The following PIK3R1 variants were observed in gnomAD, a reference collection of about 807,000 sequenced individuals.
The protein encoded by PIK3R1 is phosphoinositide-3-kinase regulatory subunit 1, also known as phosphatidylinositol 3-kinase regulatory subunit alpha.
Under a neutral mutation model 98.0 loss-of-function variants are expected in PIK3R1, and 29 were observed. That is an observed-to-expected ratio of 0.30 (90% CI 0.22 to 0.40). PIK3R1 has a LOEUF of 0.40. Ranked by LOEUF, PIK3R1 falls within the 10% of genes least tolerant of loss-of-function variation. PIK3R1 has a pLI of 1.00. For synonymous variants in PIK3R1, 282 were observed against 311.8 expected (o/e 0.90, Z 1.01); for missense variants, 596 against 872.7 (o/e 0.68, Z 3.99).
chr5:68,292,870 C>A (rs1314677317), intron 8 of PIK3R1: 2 of 710,064 alleles, frequency 2.8e-6, no homozygotes, highest in Admixed American at 6.7e-5. Flanking sequence ...GATGAGACTG[C>A]AATTGCTAAC....
intron 15 of PIK3R1, among the ~76,000 whole-genome samples, chr5:68,296,830 T>G (rs1747740788): frequency 6.6e-6 from 1 of 152,174 alleles, no homozygotes; most frequent in Non-Finnish European, 1.5e-5. Context: ...TTCCAAGAAA[T>G]TAATGTCCTC....
chr5:68,247,286 G>A (rs943067681), intron 2 of PIK3R1, among the ~76,000 whole-genome samples: 4 of 152,138 alleles, frequency 2.6e-5, no homozygotes, highest in Non-Finnish European at 4.4e-5. Context: ...ATTTTAATTG[G>A]ACACATTTTA....
chr5:68,273,541 A>G, intron 3 of PIK3R1, 59 bp downstream of exon 3: 1 of 1,348,280 alleles, frequency 7.4e-7, no homozygotes. Flanking sequence ...CATGGCTCTT[A>G]TTATTTGTCT....
rs909401106 is a variant in PIK3R1 at position 68,298,216 on chromosome 5, G to A, written c.*615G>A. The A allele has an allele frequency of 8.6e-6, 2 of 232,706 alleles. No individual in the cohort carries two copies. Among genetic ancestry groups the A allele is most frequent in the Non-Finnish European group, 1.7e-5 (2 of 117,562 alleles). The allele number at this position is 232,706 out of a possible 1,614,324, so 14.4% of individuals were successfully genotyped here. On this transcript the variant is annotated 3_prime_UTR_variant, in exon 16 of 16. Transcript: ENST00000521381. ...AGAAATTCTGTCATAGAAAGTGCCA[G>A]AAAGTGTTTAACTTGTCAAAAAACA...
intron 7 of PIK3R1, chr5:68,288,284 A>G: frequency 5.0e-6 from 2 of 399,268 alleles, no homozygotes; most frequent in Non-Finnish European, 7.1e-6. Context: ...GCCGATGACA[A>G]CTTTGACTTG....
At chr5:68,294,412 A>G in intron 11 of PIK3R1, 124 bp from the exon 12 acceptor site, 1 of 601,694 alleles carries the variant, frequency 1.7e-6, no homozygotes, top group Non-Finnish European at 2.7e-6. Context: ...ATACTGTTTT[A>G]ATGGATTTTA....
chr5:68,235,492 AT>A (rs1369432982), intron 2 of PIK3R1, among the ~76,000 whole-genome samples: 3 of 151,288 alleles, frequency 2.0e-5, no homozygotes, highest in South Asian at 2.1e-4. Context: ...GTTCATTTGA[AT>A]TTTTTTTTGC....
At chr5:68,235,084 G>A (rs1468694419) in intron 2 of PIK3R1, among the ~76,000 whole-genome samples, 1 of 151,986 alleles carries the variant, frequency 6.6e-6, no homozygotes, top group Non-Finnish European at 1.5e-5. Context: ...AACACTGATG[G>A]CTTTATTTTT....
intron 2 of PIK3R1, among the ~76,000 whole-genome samples, chr5:68,255,423 TGTG>T (rs747811003): frequency 8.7e-4 from 132 of 152,320 alleles, no homozygotes; most frequent in Middle Eastern, 3.4e-3. Flanking sequence ...AGCCTCATCC[TGTG>T]CTTCAGCAGT....
Position 68,301,343 on chromosome 5 carries a change from T to C in PIK3R1, c.*3742T>C, listed in dbSNP as rs1748030340. On this transcript the variant is annotated 3_prime_UTR_variant, in exon 16 of 16. Transcript: ENST00000521381. The stretch of plus-strand genomic sequence containing the variant: ...TAGCATTAGCTGCCCAGGATGCTGC[T>C]ATATATATATATATATATATATATG... The C allele has an allele frequency of 6.4e-5, 1 of 15,682 alleles. No homozygotes were observed. Among genetic ancestry groups the C allele is most frequent in the African/African-American group, 1.8e-4 (1 of 5,574 alleles). 1.0% of individuals were successfully genotyped at this position (15,682 alleles called of 1,614,324 possible).
intron 2 of PIK3R1, among the ~76,000 whole-genome samples, chr5:68,272,504 C>T (rs1043817690): frequency 1.3e-4 from 20 of 152,074 alleles, no homozygotes; most frequent in Non-Finnish European, 7.4e-5. Context: ...ATTTAGCTCC[C>T]TCTTCTGGCA....
intron 1 of PIK3R1, chr5:68,217,850 A>G (rs1444894376): frequency 6.6e-6 from 1 of 152,148 alleles, no homozygotes; most frequent in African/African-American, 2.4e-5. Context: ...ATAGATTTTT[A>G]TGATTGGGAG....
At chr5:68,277,686 C>T (rs971945990) in intron 4 of PIK3R1, among the ~76,000 whole-genome samples, 5 of 152,206 alleles carry the variant, frequency 3.3e-5, no homozygotes, top group African/African-American at 9.6e-5. Context: ...TATACTCAAA[C>T]ACTTTGCAGT....
In PIK3R1 at chr5:68,236,376, A is replaced by G. The variant is rs182209406; in HGVS notation, c.334+9367A>G. Among the ~76,000 whole-genome samples, 291 of 151,894 alleles carry G rather than the reference A, an allele frequency of 1.9e-3. 3 individuals carry two copies. Among genetic ancestry groups the G allele is most frequent in the African/African-American group, 6.3e-3 (261 of 41,386 alleles). On this transcript the variant is annotated intron_variant, in intron 2 of 15. Coordinates refer to ENST00000521381, the MANE Select transcript of PIK3R1 (RefSeq NM_181523.3). ...GCCATTCTCCTGTCTCAGCCTCCCG[A>G]GTAGCTGGGACTACAGGCACCTGCC... is the stretch of plus-strand genomic sequence containing the variant.
At chr5:68,274,776 A>G (rs1160363400) in intron 4 of PIK3R1, among the ~76,000 whole-genome samples, 2 of 152,232 alleles carry the variant, frequency 1.3e-5, no homozygotes, top group East Asian at 3.8e-4. Context: ...GGCATAGATG[A>G]AAAACTACAA....
rs1747192562 is a variant in PIK3R1 at position 68,288,547 on chromosome 5, G to A, written c.917-3712G>A. On this transcript the variant is annotated intron_variant, in intron 7 of 15. Transcript: ENST00000521381. ...CCGAGCCAAGCGGAGCTGGGCCACTGTGCACGCCCGGAGGGTCCTGGCGGC... is the reference window on the plus strand; with the variant it reads ...CCGAGCCAAGCGGAGCTGGGCCACTATGCACGCCCGGAGGGTCCTGGCGGC... 2.7e-6 allele frequency: 4 copies of A among 1,488,634 alleles called. No individual in the cohort carries two copies. In the Admixed American group the frequency reaches 7.0e-5, roughly 26 times the overall value. The allele number at this position is 1,488,634 out of a possible 1,614,324, so 92.2% of individuals were successfully genotyped here.
At chr5:68,265,911 T>TA (rs1181235217) in intron 2 of PIK3R1, among the ~76,000 whole-genome samples, 1 of 152,214 alleles carries the variant, frequency 6.6e-6, no homozygotes, top group Non-Finnish European at 1.5e-5. Flanking sequence ...CTCTCTATAG[T>TA]TATTTAAAAG....
intron 2 of PIK3R1, among the ~76,000 whole-genome samples, chr5:68,232,217 C>T (rs1338908899): frequency 6.6e-6 from 1 of 152,212 alleles, no homozygotes; most frequent in Non-Finnish European, 1.5e-5. Context: ...ACACAGTTCA[C>T]CCTCTCATGA....
In PIK3R1 at chr5:68,281,003, C is replaced by G. The variant is rs371778244; in HGVS notation, c.913C>G (p.Pro305Ala). The G allele has an allele frequency of 8.4e-5, 133 of 1,583,392 alleles. No homozygotes were observed. The highest frequency in any genetic ancestry group is 1.1e-4 in the Non-Finnish European group (133 of 1,165,328). ...TGAATGGAATGAACGACAGCCTGCA[C>G]CAGGTAATGCTTTTTGAGCATTTAA... ...STEWNERQPA[P>A]ALPPKPPKPT... Residue 305 changes from proline to alanine, a missense_variant, in exon 7 of 16, where the codon CCA becomes GCA. Pro to Ala is a conservative substitution (Grantham distance 27). Transcript: ENST00000521381.
Sources: allele counts gnomAD v4.1 joint callset (sites outside exome capture counted in the v4.1 genomes callset), GRCh38; gene constraint gnomAD v4.1.1; transcripts MANE v1.5; gene names NCBI Gene and HGNC (gene_info 2026-07-23, HGNC 2026-07-21).